NPAT: variants seen among roughly 807,000 people sequenced by gnomAD.
The protein encoded by NPAT is nuclear protein, coactivator of histone transcription, also known as protein NPAT.
In NPAT, 52 loss-of-function variants were observed where a neutral mutation model predicts 130.7. The ratio of observed to expected loss-of-function variants is 0.40; its 90% CI spans 0.32 to 0.50. The LOEUF is 0.50. Among genes scored for constraint, NPAT ranks in the 20% least tolerant of loss-of-function variants. NPAT has a pLI of 0.68. For missense variants in NPAT, 1,687 were observed against 1,662.6 expected (o/e 1.01, Z -0.26); for synonymous variants, 580 against 584.8 (o/e 0.99, Z 0.12).
rs540158299 is a variant in NPAT at position 108,159,512 on chromosome 11, A to G, written c.4207-493T>C. On this transcript the variant is annotated intron_variant, in intron 17 of 17. Coordinates refer to ENST00000278612, the MANE Select transcript of NPAT (RefSeq NM_002519.3). ...ACTTAACCATGATCACAGGACCAAT[A>G]AGCAGTAGATGCAGGATTCAAACCC... Among the ~76,000 whole-genome samples, 36 of 152,306 alleles carry G rather than the reference A, an allele frequency of 2.4e-4. No individual in the cohort carries two copies. In the South Asian group the frequency reaches 6.4e-3, roughly 27 times the overall value.
chr11:108,211,342 G>GA (rs2078381918), intron 1 of NPAT, among the ~76,000 whole-genome samples: 1 of 135,904 alleles, frequency 7.4e-6, no homozygotes, highest in African/African-American at 2.8e-5. Flanking sequence ...AGGAGTTCCA[G>GA]ACCAGCCTGG....
intron 1 of NPAT, among the ~76,000 whole-genome samples, chr11:108,198,527 G>T (rs2078245619): frequency 6.6e-6 from 1 of 152,116 alleles, no homozygotes. Flanking sequence ...AGGGTACCCG[G>T]TGAAACCCGA....
At chr11:108,219,916 G>GTACTTGCTGAATGAAGTT (rs1429890772) in intron 1 of NPAT, among the ~76,000 whole-genome samples, 1 of 152,242 alleles carries the variant, frequency 6.6e-6, no homozygotes, top group Non-Finnish European at 1.5e-5. Flanking sequence ...AGTACTGACT[G>GTACTTGCTGAATGAAGTT]TACTTGCTGA....
chr11:108,201,677 A>G (rs2078276640), intron 1 of NPAT, among the ~76,000 whole-genome samples: 1 of 152,218 alleles, frequency 6.6e-6, no homozygotes, highest in Non-Finnish European at 1.5e-5. Flanking sequence ...GGTATAACGT[A>G]ACCATTTATA....
chr11:108,186,691 C>T (rs1195517300), intron 7 of NPAT, 122 bp from the exon 8 acceptor site: 2 of 814,324 alleles, frequency 2.5e-6, no homozygotes, highest in Non-Finnish European at 4.0e-6. Flanking sequence ...GTCCCTGTAT[C>T]TGCAGGGGGC....
At chr11:108,189,841 G>A (rs1191095743) in intron 5 of NPAT, among the ~76,000 whole-genome samples, 1 of 145,844 alleles carries the variant, frequency 6.9e-6, no homozygotes, top group Non-Finnish European at 1.5e-5. Context: ...CTGCACTCCA[G>A]CCTGGGCGAC....
intron 1 of NPAT, among the ~76,000 whole-genome samples, chr11:108,215,328 G>C (rs2078423425): frequency 6.6e-6 from 1 of 151,956 alleles, no homozygotes; most frequent in Non-Finnish European, 1.5e-5. Context: ...TAAAGGATGA[G>C]AACACACGGG....
At chr11:108,190,537 T>A in intron 4 of NPAT, 37 bp from the exon 5 acceptor site, 1 of 1,583,440 alleles carries the variant, frequency 6.3e-7, no homozygotes, top group South Asian at 1.1e-5. Context: ...CATCAAAAAA[T>A]GTTTGTTGCT....
At chr11:108,190,015 G>GA in intron 5 of NPAT, among the ~76,000 whole-genome samples, 1 of 150,556 alleles carries the variant, frequency 6.6e-6, no homozygotes, top group East Asian at 2.0e-4. Context: ...ACTGTACTTA[G>GA]AAAAACGGTA....
intron 1 of NPAT, among the ~76,000 whole-genome samples, chr11:108,212,644 C>CA (rs1459062447): frequency 6.6e-6 from 1 of 151,282 alleles, no homozygotes; most frequent in African/African-American, 2.4e-5. Flanking sequence ...ACAACAACAA[C>CA]AACAAAAAAA....
Position 108,169,941 on chromosome 11 carries a change from G to A in NPAT, c.2888C>T (p.Thr963Ile), listed in dbSNP as rs769841053. Residue 963 changes from threonine (T) to isoleucine (I), a missense_variant, in exon 14 of 18, where the codon ACT becomes ATT. Physicochemically the swap from Thr to Ile is moderately conservative, Grantham distance 89. Around this residue, in one of 3 missense-constraint regions of NPAT, gnomAD observed 1,379 missense variants for 1,346.6 expected, o/e 1.02. Transcript: ENST00000278612. ...CATAAATCTTACCTGCCGAGGAGGA[G>A]TAGAAAAGTTATTTCCATTCTGTCC... The part of the protein sequence containing the change: ...VVGQNGNNFS[T>I]PPRQVLHMPL... The A allele has an allele frequency of 3.3e-5, 54 of 1,613,114 alleles. No individual in the cohort carries two copies. Among genetic ancestry groups the A allele is most frequent in the Non-Finnish European group, 4.6e-5 (54 of 1,179,224 alleles).
rs1275792780 is a variant in NPAT at position 108,158,819 on chromosome 11, G to T, written c.*123C>A. The T allele has an allele frequency of 1.5e-6, 1 of 655,122 alleles. No individual in the cohort carries two copies. Among genetic ancestry groups the T allele is most frequent in the Non-Finnish European group, 2.8e-6 (1 of 362,510 alleles). 40.6% of individuals were successfully genotyped at this position (655,122 alleles called of 1,614,324 possible). ...AGAAACAGCATGATTTAGATATAAA[G>T]TGAAGTTTCAGTACAATGAAAGTGC... is the stretch of plus-strand genomic sequence containing the variant. On this transcript the variant is annotated 3_prime_UTR_variant, in exon 18 of 18. Transcript: ENST00000278612.
chr11:108,173,415 G>A lies in NPAT; in HGVS notation c.1569C>T (p.Asn523=), dbSNP rs775226633. Residue 523 remains asparagine, a synonymous_variant, in exon 13 of 18, where the codon AAC becomes AAT. Coordinates refer to ENST00000278612, the MANE Select transcript of NPAT (RefSeq NM_002519.3). ...VSLGCEANNE[N]LILSGKSSQL... ...GAGAACTCTTCCCAGAGAGAATTAA[G>A]TTTTCATTGTTAGCTTCACAACCAA... 6.2e-7 allele frequency: 1 copy of A among 1,614,106 alleles called. No individual in the cohort carries two copies. The highest frequency in any genetic ancestry group is 8.5e-7 in the Non-Finnish European group (1 of 1,180,008).
At chr11:108,194,341 T>C (rs976001369) in intron 2 of NPAT, among the ~76,000 whole-genome samples, 4 of 152,202 alleles carry the variant, frequency 2.6e-5, no homozygotes, top group African/African-American at 7.2e-5. Flanking sequence ...TATATATATA[T>C]ATTAAAATAA....
chr11:108,204,531 G>A (rs570389746), intron 1 of NPAT, among the ~76,000 whole-genome samples: 3 of 144,086 alleles, frequency 2.1e-5, no homozygotes, highest in South Asian at 2.3e-4. Context: ...TCTCAGATGC[G>A]GGACAAAACC....
chr11:108,173,166 T>A lies in NPAT; in HGVS notation c.1818A>T (p.Leu606=). ...QDNSCLQSEI[L]PVSVESSHLN... The stretch of plus-strand genomic sequence containing the variant: ...AATGTGAACTTTCAACAGACACAGG[T>A]AGTATTTCACTTTGAAGACAAGAAT... The change falls in exon 13 of 18, where the codon CTA becomes CTT. Residue 606 remains leucine, a synonymous_variant. Transcript: ENST00000278612. 1 of 1,613,640 alleles carries A rather than the reference T, an allele frequency of 6.2e-7. No individual in the cohort carries two copies. The highest frequency in any genetic ancestry group is 1.3e-5 in the African/African-American group (1 of 75,030).
intron 8 of NPAT, among the ~76,000 whole-genome samples, chr11:108,185,768 T>C (rs953886019): frequency 6.6e-5 from 10 of 152,364 alleles, no homozygotes; most frequent in Middle Eastern, 3.4e-3. Flanking sequence ...TGTCGCTCTA[T>C]AGCCCAGCCT....
chr11:108,177,816 G>T (rs1197825329), intron 10 of NPAT, among the ~76,000 whole-genome samples: 2 of 152,060 alleles, frequency 1.3e-5, no homozygotes, highest in African/African-American at 4.8e-5. Context: ...GACCTCCCGA[G>T]CTCAGGTGAT....
At chr11:108,184,435 G>A (rs2078085367) in intron 10 of NPAT, among the ~76,000 whole-genome samples, 1 of 149,754 alleles carries the variant, frequency 6.7e-6, no homozygotes, top group Non-Finnish European at 1.5e-5. Context: ...TTGTGCCACT[G>A]CACTCCAGCC....
Sources: gnomAD v4.1 joint callset for allele counts (sites outside exome capture counted in the v4.1 genomes callset) on GRCh38, gnomAD v4.1.1 for gene constraint, gnomAD v4.1.1 regional missense constraint, MANE v1.5 for transcripts, NCBI Gene and HGNC (gene_info 2026-07-23, HGNC 2026-07-21) for gene names.